Variants in CYP2J2 observed in about 807,000 individuals in gnomAD.
CYP2J2 encodes cytochrome P450 family 2 subfamily J member 2.
A neutral mutation model predicts 48.8 loss-of-function variants in CYP2J2; 41 were observed. The observed-to-expected ratio is 0.84, with a 90% CI of 0.66 to 1.09. The LOEUF is 1.09. Among genes scored for constraint, CYP2J2 ranks in the 50% least tolerant of loss-of-function variants. The probability of loss-of-function intolerance (pLI) is 0.00; values close to 1 mark genes in which losing one functional copy is unlikely to be tolerated. For missense variants in CYP2J2, 644 were observed against 617.3 expected (o/e 1.04, Z -0.46); for synonymous variants, 221 against 227.1 (o/e 0.97, Z 0.24).
At chr1:59,968,235 A>G in the CYP2J2 span, among the ~76,000 whole-genome samples, 1 of 152,270 alleles carries the variant, frequency 6.6e-6, no homozygotes, top group African/African-American at 2.4e-5. Context: ...CACCCAAACA[A>G]GAGATGAGAT....
the CYP2J2 span, among the ~76,000 whole-genome samples, chr1:59,954,590 G>GC: frequency 7.4e-5 from 11 of 148,406 alleles, no homozygotes; most frequent in African/African-American, 2.3e-4. Context: ...TGGTGGGTCG[G>GC]GGGGGGATGC....
At chr1:59,964,674 T>C in the CYP2J2 span, among the ~76,000 whole-genome samples, 2 of 152,256 alleles carry the variant, frequency 1.3e-5, no homozygotes, top group Non-Finnish European at 2.9e-5. Flanking sequence ...GTAAATTCCA[T>C]ATGATAAGCT....
At chr1:59,919,858 C>G (rs1169197306) in intron 1 of CYP2J2, among the ~76,000 whole-genome samples, 1 of 152,146 alleles carries the variant, frequency 6.6e-6, no homozygotes, top group Non-Finnish European at 1.5e-5. Flanking sequence ...AATTCATGTT[C>G]AATTTAACAG....
chr1:59,930,052 A>G (rs141308723), upstream of CYP2J2, among the ~76,000 whole-genome samples: 528 of 152,300 alleles, frequency 3.5e-3, 2 homozygotes, highest in African/African-American at 0.012. Flanking sequence ...TGGAACTCCA[A>G]AAAGATTAAC....
At chr1:59,935,025 TATATATATATATATATATATATATATAC>T in the CYP2J2 span, among the ~76,000 whole-genome samples, 124 of 85,840 alleles carry the variant, frequency 1.4e-3, no homozygotes, top group African/African-American at 4.7e-3. Context: ...CATATATATA[TATATATATATATATATATATATATATAC>T]ACAACAGAAT....
chr1:59,969,026 C>T, the CYP2J2 span, among the ~76,000 whole-genome samples: 8 of 152,018 alleles, frequency 5.3e-5, no homozygotes, highest in Non-Finnish European at 7.4e-5. Flanking sequence ...TAAGGCAGTG[C>T]GTCTGGAGTT....
At chr1:59,917,279 T>G (rs1404610118) in intron 1 of CYP2J2, among the ~76,000 whole-genome samples, 2 of 152,138 alleles carry the variant, frequency 1.3e-5, no homozygotes, top group Non-Finnish European at 2.9e-5. Context: ...CAGAGGGCCG[T>G]GGATGCATTC....
At chr1:59,946,624 GAC>G in the CYP2J2 span, among the ~76,000 whole-genome samples, 1 of 152,032 alleles carries the variant, frequency 6.6e-6, no homozygotes, top group African/African-American at 2.4e-5. Flanking sequence ...TGAGTCAAGA[GAC>G]ACAAAATGTA....
chr1:59,947,193 GC>G, the CYP2J2 span, among the ~76,000 whole-genome samples: 427 of 152,252 alleles, frequency 2.8e-3, 1 homozygote, highest in Non-Finnish European at 5.5e-3. Flanking sequence ...ATGAGGTTAG[GC>G]TACACAATGT....
the CYP2J2 span, among the ~76,000 whole-genome samples, chr1:59,963,339 G>A: frequency 1.3e-5 from 2 of 152,238 alleles, no homozygotes; most frequent in South Asian, 2.1e-4. Context: ...TACTCGTTAA[G>A]CCATAACTCC....
At chr1:59,924,523 G>A (rs768934824) in intron 1 of CYP2J2, among the ~76,000 whole-genome samples, 30 of 151,832 alleles carry the variant, frequency 2.0e-4, no homozygotes, top group Non-Finnish European at 3.2e-4. Context: ...AAGTAGAGAG[G>A]GTAAAGGAAC....
At chr1:59,961,912 G>C in the CYP2J2 span, among the ~76,000 whole-genome samples, 1 of 152,078 alleles carries the variant, frequency 6.6e-6, no homozygotes, top group Non-Finnish European at 1.5e-5. Flanking sequence ...CATATAGTAT[G>C]ATTGCTTTTA....
At chr1:59,941,911 A>G in the CYP2J2 span, among the ~76,000 whole-genome samples, 1 of 152,328 alleles carries the variant, frequency 6.6e-6, no homozygotes, top group Non-Finnish European at 1.5e-5. Flanking sequence ...GTAAGCTAAG[A>G]TTAATTTATT....
chr1:59,956,323 A>G, the CYP2J2 span, among the ~76,000 whole-genome samples: 1 of 152,196 alleles, frequency 6.6e-6, no homozygotes, highest in Non-Finnish European at 1.5e-5. Flanking sequence ...AGAGATGGTC[A>G]TAAGGAAGTG....
the CYP2J2 span, among the ~76,000 whole-genome samples, chr1:59,946,790 C>T: frequency 1.3e-5 from 2 of 152,010 alleles, no homozygotes; most frequent in African/African-American, 2.4e-5. Flanking sequence ...TTTATATTTA[C>T]AATAGCACCA....
chr1:59,939,768 C>T, the CYP2J2 span, among the ~76,000 whole-genome samples: 4 of 152,186 alleles, frequency 2.6e-5, no homozygotes, highest in South Asian at 2.1e-4. Context: ...TGCACTGCAC[C>T]TGGGCTGGAA....
At position 59,922,921 on chromosome 1, in the gene CYP2J2, C is replaced by T. The variant is rs1243121924; in HGVS notation, c.210+3616G>A. 4.6e-5 allele frequency among the ~76,000 whole-genome samples: 7 copies of T among 152,206 alleles called. No homozygotes were observed. The East Asian group carries it at 1.2e-3, about 25-fold the overall frequency. ...AGTACATGGATAGTACCTTGTCTTT[C>T]AGCCTACTTTGCAATAATGAGGTAG... On this transcript the variant is annotated intron_variant, in intron 1 of 8. Coordinates refer to ENST00000371204, the MANE Select transcript of CYP2J2 (RefSeq NM_000775.4).
At chr1:59,919,209 G>C (rs1213315460) in intron 1 of CYP2J2, among the ~76,000 whole-genome samples, 1 of 152,144 alleles carries the variant, frequency 6.6e-6, no homozygotes, top group African/African-American at 2.4e-5. Flanking sequence ...ATTTCTCTGA[G>C]GTTTAACATC....
At chr1:59,920,856 T>C (rs528875157) in intron 1 of CYP2J2, among the ~76,000 whole-genome samples, 11 of 152,324 alleles carry the variant, frequency 7.2e-5, no homozygotes, top group African/African-American at 2.6e-4. Context: ...AGTTCCCATG[T>C]TTAGTATTGT....
Sources: gnomAD v4.1 joint callset for allele counts (sites outside exome capture counted in the v4.1 genomes callset) on GRCh38, gnomAD v4.1.1 for gene constraint, MANE v1.5 for transcripts, NCBI Gene and HGNC (gene_info 2026-07-23, HGNC 2026-07-21) for gene names.